Variants in TLE3 observed in about 807,000 individuals in gnomAD.
The protein encoded by TLE3 is transducin-like enhancer protein 3.
A neutral mutation model predicts 93.0 loss-of-function variants in TLE3; 14 were observed. The ratio of observed to expected loss-of-function variants is 0.15; its 90% confidence interval spans 0.10 to 0.24. The LOEUF is 0.24. Among genes scored for constraint, TLE3 ranks in the 10% least tolerant of loss-of-function variants. TLE3 has a pLI of 1.00. For synonymous variants in TLE3, 451 were observed against 425.0 expected, an observed-to-expected ratio of 1.06 and a Z score of -0.75; for missense variants, 693 against 1,046.6, an observed-to-expected ratio of 0.66 and a Z score of 4.66.
intron 18 of TLE3, 96 bp from the exon 19 acceptor site, chr15:70,051,563 T>C (rs557952388): frequency 3.7e-6 from 4 of 1,073,848 alleles, no homozygotes; most frequent in African/African-American, 1.6e-5. Flanking sequence ...AGAAAAGCAG[T>C]GAGAACTGCT....
chr15:70,050,079 C>A lies in TLE3; in HGVS notation c.*18G>T, dbSNP rs765850464. On this transcript the variant is annotated 3_prime_UTR_variant, in exon 20 of 20. Transcript: ENST00000451782. Reference sequence around the variant, plus strand: ...GTCGGTTTCTCCCAGAGTTTGACAGCCCTGCTGGAGTTCTTGTTTAGTAGA... The same window carrying A: ...GTCGGTTTCTCCCAGAGTTTGACAGACCTGCTGGAGTTCTTGTTTAGTAGA... The A allele has an allele frequency of 1.9e-6, 3 of 1,604,538 alleles. No individual in the cohort carries two copies. In the Admixed American group the frequency reaches 5.0e-5, roughly 27 times the overall value.
intron 4 of TLE3, among the ~76,000 whole-genome samples, chr15:70,084,221 C>T: frequency 6.6e-6 from 1 of 152,188 alleles, no homozygotes; most frequent in Admixed American, 6.5e-5. Context: ...CAGACTCCTT[C>T]CTCTATAACA....
chr15:70,058,497 A>G lies in TLE3; in HGVS notation c.918+166T>C, dbSNP rs2056239695. On this transcript the variant is annotated intron_variant, in intron 11 of 19. Transcript: ENST00000451782. The surrounding 1 kb of genome is among the most constrained non-coding windows in gnomAD (Gnocchi z 4.1). ...TTTACAGACGTAGCAACCGAGGCTCAGAAACGTTAACTCATTAGCACAGGC... is the reference window on the plus strand; with the variant it reads ...TTTACAGACGTAGCAACCGAGGCTCGGAAACGTTAACTCATTAGCACAGGC... 9 of 1,290,134 alleles carry G rather than the reference A, an allele frequency of 7.0e-6. No homozygotes were observed. Among genetic ancestry groups the G allele is most frequent in the Non-Finnish European group, 6.3e-6 (6 of 956,624 alleles). 79.9% of individuals were successfully genotyped at this position (1,290,134 alleles called of 1,614,324 possible). A position where few individuals can be genotyped will look rare whatever the true frequency, so the allele number is the denominator to read the frequency against.
chr15:70,049,710 C>T lies in TLE3; in HGVS notation c.*387G>A, dbSNP rs984825971. 1 of 189,914 alleles carries T rather than the reference C, an allele frequency of 5.3e-6. No individual in the cohort carries two copies. Among genetic ancestry groups the T allele is most frequent in the Non-Finnish European group, 1.1e-5 (1 of 89,556 alleles). 11.8% of individuals were successfully genotyped at this position (189,914 alleles called of 1,614,324 possible). ...AGAGAGACCCCCCCATCCCCCAGCA[C>T]AACATTGTGGTCCACTCCAGCACCC... On this transcript the variant is annotated 3_prime_UTR_variant, in exon 20 of 20. Coordinates refer to ENST00000451782, the MANE Select transcript of TLE3 (RefSeq NM_001105192.3).
intron 4 of TLE3, among the ~76,000 whole-genome samples, chr15:70,087,261 C>A (rs1230003658): frequency 6.6e-6 from 1 of 152,186 alleles, no homozygotes; most frequent in Non-Finnish European, 1.5e-5. Flanking sequence ...ACCTCCCCAA[C>A]CCCAATTTGA....
At chr15:70,065,031 A>G (rs1170989234) in intron 7 of TLE3, among the ~76,000 whole-genome samples, 2 of 152,106 alleles carry the variant, frequency 1.3e-5, no homozygotes, top group Non-Finnish European at 2.9e-5. Flanking sequence ...CCAGCTAAGC[A>G]CTAGCTCCCC....
chr15:70,056,743 C>T lies in TLE3; in HGVS notation c.1252-369G>A, dbSNP rs191311637. 9.2e-5 allele frequency among the ~76,000 whole-genome samples: 14 copies of T among 152,250 alleles called. No individual in the cohort carries two copies. The East Asian group carries it at 2.5e-3, about 27-fold the overall frequency. ...TCTCCTGAAAAAGGGCCCCTCTCCC[C>T]GCCAACCCTAACTCTTCTTTTTATT... On this transcript the variant is annotated intron_variant, in intron 13 of 19. Coordinates refer to ENST00000451782, the MANE Select transcript of TLE3 (RefSeq NM_001105192.3).
Position 70,052,496 on chromosome 15 carries a change from C to T in TLE3, c.2003G>A (p.Gly668Glu). ...QIFSLGYCPT[G>E]EWLAVGMESS... is the part of the protein sequence containing the mutation. The stretch of plus-strand genomic sequence containing the variant: ...CTCCATGCCCACAGCCAGCCACTCC[C>T]CAGTGGGGCAGTAGCCCAGCGAGAA... Residue 668 changes from glycine to glutamate, a missense_variant, in exon 18 of 20, where the codon GGG becomes GAG. Coordinates refer to ENST00000451782, the MANE Select transcript of TLE3 (RefSeq NM_001105192.3). The T allele has an allele frequency of 1.2e-6, 2 of 1,613,770 alleles. No homozygotes were observed. Among genetic ancestry groups the T allele is most frequent in the Admixed American group, 1.7e-5 (1 of 60,000 alleles).
At chr15:70,084,365 A>G (rs2141952317) in intron 4 of TLE3, among the ~76,000 whole-genome samples, 1 of 152,370 alleles carries the variant, frequency 6.6e-6, no homozygotes, top group Non-Finnish European at 1.5e-5. Context: ...TAAACATCCT[A>G]AACACAGAGG....
At chr15:70,096,579 GC>G (rs892781978) in intron 1 of TLE3, 195 bp downstream of exon 1, 5 of 1,510,876 alleles carry the variant, frequency 3.3e-6, no homozygotes, top group African/African-American at 1.4e-5. Context: ...AACACAAGCA[GC>G]CCCCCGCGCC....
chr15:70,057,987 C>G, intron 12 of TLE3, 172 bp downstream of exon 12: 1 of 1,126,392 alleles, frequency 8.9e-7, no homozygotes, highest in Non-Finnish European at 1.2e-6. Flanking sequence ...GCAGGGGTCC[C>G]AGAAACCCTG....
At chr15:70,089,544 G>C (rs549781772) in intron 4 of TLE3, among the ~76,000 whole-genome samples, 1 of 152,262 alleles carries the variant, frequency 6.6e-6, no homozygotes, top group East Asian at 1.9e-4. Context: ...TCAGGGAATC[G>C]GAACTCTACT....
chr15:70,065,972 C>T (rs1334805932), intron 7 of TLE3, 42 bp downstream of exon 7: 3 of 1,260,186 alleles, frequency 2.4e-6, no homozygotes, highest in Admixed American at 3.5e-5. Flanking sequence ...CGCCCATGCC[C>T]ACCCCTGCCC....
rs2056265111 is a variant in TLE3, at chr15:70,058,784, T to C, written c.797A>G (p.His266Arg). 1 of 1,603,966 alleles carries C rather than the reference T, an allele frequency of 6.2e-7. No homozygotes were observed. Among genetic ancestry groups the C allele is most frequent in the Non-Finnish European group, 8.5e-7 (1 of 1,175,868 alleles). Residue 266 changes from histidine (H) to arginine (R), a missense_variant, in exon 11 of 20, where the codon CAC becomes CGC. Transcript: ENST00000451782. This position sits in a 1 kb window ranked among gnomAD's most constrained non-coding sequence, Gnocchi z 4.1. ...GTCCAGCCCATTTTCAGGAGGGGAG[T>C]GTGCCGGGCTGACCCGGGGCGTTGC... ...DPATPRVSPA[H>R]SPPENGLDKA...
chr15:70,055,476 C>CA (rs1391800752), intron 14 of TLE3, 178 bp from the exon 15 acceptor site: 2 of 682,662 alleles, frequency 2.9e-6, no homozygotes, highest in African/African-American at 2.5e-5. Context: ...TCGAGGTAGA[C>CA]ATGATTAACA....
intron 6 of TLE3, among the ~76,000 whole-genome samples, chr15:70,067,299 C>G (rs926895308): frequency 6.6e-6 from 1 of 152,340 alleles, no homozygotes; most frequent in Middle Eastern, 3.4e-3. Context: ...CCTATGCACA[C>G]ATCTTTCTTC....
intron 4 of TLE3, among the ~76,000 whole-genome samples, chr15:70,088,501 G>C (rs2058141345): frequency 6.6e-6 from 1 of 152,238 alleles, no homozygotes; most frequent in African/African-American, 2.4e-5. Flanking sequence ...TTGGCTGTGA[G>C]TCTCAGAGAG....
At chr15:70,096,610 C>T (rs2058575309) in intron 1 of TLE3, 165 bp downstream of exon 1, 7 of 1,541,064 alleles carry the variant, frequency 4.5e-6, no homozygotes, top group South Asian at 1.2e-5. Context: ...GAATTAACCT[C>T]CTCTCTCAAC....
intron 13 of TLE3, 72 bp from the exon 14 acceptor site, chr15:70,056,446 C>G: frequency 6.9e-7 from 1 of 1,449,966 alleles, no homozygotes; most frequent in Non-Finnish European, 9.5e-7. Flanking sequence ...TCCTCCACCA[C>G]CCACCCGGGG....
Sources: gnomAD v4.1 joint callset for allele counts (sites outside exome capture counted in the v4.1 genomes callset) on GRCh38, gnomAD v4.1.1 for gene constraint, Gnocchi (gnomAD v3.1) non-coding constraint, MANE v1.5 for transcripts, NCBI Gene and HGNC (gene_info 2026-07-23, HGNC 2026-07-21) for gene names.